CDS2: variants seen among roughly 807,000 people sequenced by gnomAD.
CDS2 encodes the protein phosphatidate cytidylyltransferase 2.
Under a neutral mutation model 59.0 loss-of-function variants are expected in CDS2, and 47 were observed. The observed-to-expected ratio is 0.80, with a 90% CI of 0.63 to 1.02. The LOEUF is 1.02. Among genes scored for constraint, CDS2 ranks in the 50% least tolerant of loss-of-function variants. The pLI is 0.00. For missense variants in CDS2, 356 were observed against 558.9 expected (o/e 0.64, Z 3.66); for synonymous variants, 207 against 206.4 (o/e 1.00, Z -0.02).
At chr20:5,129,814 C>T (rs147992098) in intron 1 of CDS2, among the ~76,000 whole-genome samples, 6 of 150,842 alleles carry the variant, frequency 4.0e-5, no homozygotes, top group South Asian at 2.1e-4. Context: ...CTCCTGACTT[C>T]GTGATCTGCC....
intron 1 of CDS2, among the ~76,000 whole-genome samples, chr20:5,152,069 C>T (rs1243443392): frequency 7.4e-6 from 1 of 135,886 alleles, no homozygotes; most frequent in African/African-American, 2.9e-5. Flanking sequence ...TGGTCTGACT[C>T]CATGGCTTTT....
At position 5,195,121 on chromosome 20, in the gene CDS2, TG is replaced by T. The variant is rs2091146918; in HGVS notation, c.*4891del. ...GGGTCTGATAATAGTACCTTCTTCCTGGGGTGGTTGTGAGGATATAACGAGG... is the reference window on the plus strand; with the variant it reads ...GGGTCTGATAATAGTACCTTCTTCCTGGGTGGTTGTGAGGATATAACGAGG... On this transcript the variant is annotated 3_prime_UTR_variant, in exon 13 of 13. Coordinates refer to ENST00000460006, the MANE Select transcript of CDS2 (RefSeq NM_003818.4). The T allele has an allele frequency of 6.6e-6, 1 of 152,208 alleles. No homozygotes were observed. Among genetic ancestry groups the T allele is most frequent in the African/African-American group, 2.4e-5 (1 of 41,430 alleles). The allele number at this position is 152,208 out of a possible 1,614,324, so 9.4% of individuals were successfully genotyped here. A position where few individuals can be genotyped will look rare whatever the true frequency, so the allele number is the denominator to read the frequency against.
intron 9 of CDS2, among the ~76,000 whole-genome samples, 198 bp from the exon 10 acceptor site, chr20:5,186,489 C>T (rs186890254): frequency 3.7e-4 from 56 of 151,784 alleles, no homozygotes; most frequent in South Asian, 1.7e-3. Flanking sequence ...CTGTATGTAA[C>T]CTTGGTGGGT....
rs1407615779 is a variant in CDS2, at chr20:5,197,114, C to T, written c.*6880C>T. 6.6e-6 allele frequency: 1 copy of T among 151,900 alleles called. No homozygotes were observed. Among genetic ancestry groups the T allele is most frequent in the African/African-American group, 2.4e-5 (1 of 41,318 alleles). The allele number at this position is 151,900 out of a possible 1,614,324, so 9.4% of individuals were successfully genotyped here. A position where few individuals can be genotyped will look rare whatever the true frequency, so the allele number is the denominator to read the frequency against. On this transcript the variant is annotated 3_prime_UTR_variant, in exon 13 of 13. Transcript: ENST00000460006. ...AGGGAGATTTGAAGCCATGGGTTATCTTCTAGAGTTGATACTGATAATATA... is the reference window on the plus strand; with the variant it reads ...AGGGAGATTTGAAGCCATGGGTTATTTTCTAGAGTTGATACTGATAATATA...
chr20:5,164,542 G>A (rs534249523), intron 1 of CDS2, among the ~76,000 whole-genome samples: 5 of 151,296 alleles, frequency 3.3e-5, no homozygotes, highest in East Asian at 1.9e-4. Flanking sequence ...TTGAGATTGC[G>A]AATATATTTT....
At position 5,195,653 on chromosome 20, in the gene CDS2, CAG is replaced by C. The variant is rs2091151878; in HGVS notation, c.*5420_*5421del. On this transcript the variant is annotated 3_prime_UTR_variant, in exon 13 of 13. Coordinates refer to ENST00000460006, the MANE Select transcript of CDS2 (RefSeq NM_003818.4). ...AGTTCCCTGTATGGGTGGATGTCCT[CAG>C]GGGCCAAGAAGAGAAGAATGGGGAC... The C allele has an allele frequency of 6.6e-6, 1 of 152,438 alleles. No homozygotes were observed. Among genetic ancestry groups the C allele is most frequent in the Non-Finnish European group, 1.5e-5 (1 of 68,262 alleles). 9.4% of individuals were successfully genotyped at this position (152,438 alleles called of 1,614,324 possible).
chr20:5,148,499 G>T (rs1391110017), intron 1 of CDS2, among the ~76,000 whole-genome samples: 2 of 152,198 alleles, frequency 1.3e-5, no homozygotes, highest in Non-Finnish European at 2.9e-5. Flanking sequence ...ATGGAGACTG[G>T]TAGGCTGGCC....
chr20:5,154,982 T>A (rs1280651235), intron 1 of CDS2, among the ~76,000 whole-genome samples: 1 of 152,234 alleles, frequency 6.6e-6, no homozygotes, highest in Non-Finnish European at 1.5e-5. Context: ...CATTTCCTGT[T>A]ATTCAAGGGA....
intron 1 of CDS2, among the ~76,000 whole-genome samples, chr20:5,144,239 G>C (rs1014508605): frequency 2.6e-5 from 4 of 152,302 alleles, no homozygotes; most frequent in Admixed American, 2.0e-4. Context: ...GGGATCCTCA[G>C]TAATTCAAGA....
intron 10 of CDS2, 27 bp from the exon 11 acceptor site, chr20:5,189,040 A>G (rs2123070275): frequency 1.2e-6 from 2 of 1,613,794 alleles, no homozygotes; most frequent in East Asian, 2.2e-5. Flanking sequence ...TATGCACCTA[A>G]ACTTTTACTT....
intron 1 of CDS2, among the ~76,000 whole-genome samples, chr20:5,138,953 C>G (rs1436961368): frequency 6.6e-6 from 1 of 152,096 alleles, no homozygotes; most frequent in Non-Finnish European, 1.5e-5. Flanking sequence ...AAAGTGATCC[C>G]AAGCAAAAAG....
intron 2 of CDS2, 30 bp from the exon 3 acceptor site, chr20:5,175,153 G>A: frequency 6.4e-7 from 1 of 1,562,974 alleles, no homozygotes; most frequent in African/African-American, 1.4e-5. Context: ...CCTAACTGGT[G>A]TTTTCTCCTT....
chr20:5,188,151 T>TG (rs1432904859), intron 10 of CDS2, among the ~76,000 whole-genome samples: 1 of 152,150 alleles, frequency 6.6e-6, no homozygotes, highest in African/African-American at 2.4e-5. Context: ...TTGGAAGATT[T>TG]ACATAACTCA....
chr20:5,181,837 A>G (rs1381314782), intron 5 of CDS2, among the ~76,000 whole-genome samples: 2 of 152,234 alleles, frequency 1.3e-5, no homozygotes, highest in Admixed American at 6.5e-5. Context: ...GTATTTGTGT[A>G]TCTAAACATA....
intron 1 of CDS2, among the ~76,000 whole-genome samples, chr20:5,146,379 G>T (rs116641360): frequency 0.018 from 2,711 of 152,282 alleles, 83 homozygotes; most frequent in African/African-American, 0.06. Context: ...CGATGAAAGA[G>T]TCAGGAGAGT....
At chr20:5,163,508 G>A (rs946387792) in intron 1 of CDS2, among the ~76,000 whole-genome samples, 1 of 152,028 alleles carries the variant, frequency 6.6e-6, no homozygotes, top group African/African-American at 2.4e-5. Context: ...TGATCCACCC[G>A]CCTCGGCCTC....
chr20:5,130,041 C>T (rs758465858), intron 1 of CDS2, among the ~76,000 whole-genome samples: 4 of 152,032 alleles, frequency 2.6e-5, no homozygotes, highest in Admixed American at 1.3e-4. Flanking sequence ...GGCACAATCT[C>T]GGCTCACTGC....
At chr20:5,146,910 C>G (rs1043331685) in intron 1 of CDS2, among the ~76,000 whole-genome samples, 1 of 152,158 alleles carries the variant, frequency 6.6e-6, no homozygotes, top group African/African-American at 2.4e-5. Context: ...TGGCTTCTAT[C>G]TCTAGTATAG....
chr20:5,142,019 T>C (rs535792062), intron 1 of CDS2, among the ~76,000 whole-genome samples: 8 of 152,220 alleles, frequency 5.3e-5, no homozygotes, highest in South Asian at 4.1e-4. Context: ...GTAAAACATA[T>C]AGATTAAAAG....
Sources: allele counts gnomAD v4.1 joint callset (sites outside exome capture counted in the v4.1 genomes callset), GRCh38; gene constraint gnomAD v4.1.1; transcripts MANE v1.5; gene names NCBI Gene and HGNC (gene_info 2026-07-23, HGNC 2026-07-21).